Variants in VWA2 observed in about 807,000 individuals in gnomAD.
VWA2 encodes von Willebrand factor A domain-containing protein 2.
A neutral mutation model predicts 70.4 loss-of-function variants in VWA2; 73 were observed. The observed-to-expected ratio is 1.04, with a 90% CI of 0.86 to 1.26. VWA2 has a LOEUF of 1.26. Ranked by LOEUF, VWA2 falls within the 50% of genes most tolerant of loss-of-function variation. The pLI is 0.00. For synonymous variants in VWA2, 407 were observed against 423.3 expected, an observed-to-expected ratio of 0.96 and a Z score of 0.47; for missense variants, 1,011 against 998.5, an observed-to-expected ratio of 1.01 and a Z score of -0.17.
chr10:114,291,689 CG>C lies in VWA2; in HGVS notation c.*454del, dbSNP rs954504698. On this transcript the variant is annotated 3_prime_UTR_variant, in exon 14 of 14. Coordinates refer to ENST00000392982, the MANE Select transcript of VWA2 (RefSeq NM_001272046.2). ...GGCCTTTACTAGAGCATCCTTTGGA[CG>C]GCGAAGGCCACGGCCTTTCAAGATG... is the stretch of plus-strand genomic sequence containing the variant. Among the ~76,000 whole-genome samples the C allele has an allele frequency of 6.6e-6, 1 of 152,206 alleles. No homozygotes were observed. The highest frequency in any genetic ancestry group is 1.5e-5 in the Non-Finnish European group (1 of 68,036).
intron 6 of VWA2, among the ~76,000 whole-genome samples, 200 bp downstream of exon 6, chr10:114,273,134 T>C (rs1160427011): frequency 6.6e-6 from 1 of 152,220 alleles, no homozygotes; most frequent in Non-Finnish European, 1.5e-5. Flanking sequence ...GATTTTGGTT[T>C]TGTTTGAAAA....
chr10:114,275,715 G>A (rs2037827443), intron 6 of VWA2, among the ~76,000 whole-genome samples: 1 of 152,116 alleles, frequency 6.6e-6, no homozygotes, highest in Middle Eastern at 3.2e-3. Flanking sequence ...ATTACTTGAG[G>A]TCAGGAGTTT....
intron 5 of VWA2, among the ~76,000 whole-genome samples, chr10:114,268,928 C>G (rs1001820918): frequency 1.3e-5 from 2 of 151,954 alleles, no homozygotes; most frequent in African/African-American, 4.8e-5. Context: ...ATCTCTTGAC[C>G]TTGTGAAACG....
intron 6 of VWA2, among the ~76,000 whole-genome samples, chr10:114,277,521 C>T (rs1054043013): frequency 3.9e-5 from 6 of 152,148 alleles, no homozygotes; most frequent in African/African-American, 7.2e-5. Flanking sequence ...TTCTCAACAT[C>T]GCCTAACCCT....
intron 5 of VWA2, among the ~76,000 whole-genome samples, chr10:114,263,597 A>G (rs1302584663): frequency 2.6e-5 from 4 of 151,992 alleles, no homozygotes; most frequent in Non-Finnish European, 5.9e-5. Flanking sequence ...TTGGCTTCCC[A>G]GAGTGCTGGG....
rs368601987 is a variant in VWA2 at position 114,284,922 on chromosome 10, G to A, written c.949G>A (p.Gly317Ser). Residue 317 changes from glycine (G) to serine (S), a missense_variant, in exon 10 of 14, where the codon GGC (glycine) becomes AGC (serine). Transcript: ENST00000392982. ...GGTCVPEGLD[G>S]YQCLCPLAFG... ...CACATGTGTTCCAGAAGGACTGGAC[G>A]GCTACCAGTGCCTCTGCCCGCTGGC... The A allele has an allele frequency of 2.5e-5, 40 of 1,605,242 alleles. No homozygotes were observed. Among genetic ancestry groups the A allele is most frequent in the Middle Eastern group, 1.7e-4 (1 of 5,906 alleles).
chr10:114,287,400 C>T (rs1000456119), intron 11 of VWA2, among the ~76,000 whole-genome samples: 2 of 152,042 alleles, frequency 1.3e-5, no homozygotes, highest in South Asian at 2.1e-4. Flanking sequence ...AGGCTGGTCT[C>T]GAACTCCTGG....
At chr10:114,275,219 G>A (rs555689573) in intron 6 of VWA2, among the ~76,000 whole-genome samples, 1 of 152,308 alleles carries the variant, frequency 6.6e-6, no homozygotes, top group South Asian at 2.1e-4. Context: ...GGCCAGTAAG[G>A]TGGGGACATC....
chr10:114,242,607 C>T (rs973886925), intron 1 of VWA2, among the ~76,000 whole-genome samples: 8 of 152,064 alleles, frequency 5.3e-5, no homozygotes, highest in Admixed American at 2.0e-4. Flanking sequence ...CTGTGTACCA[C>T]GTGCCTCTGT....
intron 9 of VWA2, 55 bp from the exon 10 acceptor site, chr10:114,284,808 C>A: frequency 6.6e-7 from 1 of 1,519,858 alleles, no homozygotes; most frequent in Non-Finnish European, 8.9e-7. Context: ...CTGGCCAGTC[C>A]TCTCCACTCC....
intron 3 of VWA2, among the ~76,000 whole-genome samples, chr10:114,254,228 C>T (rs1277971708): frequency 4.0e-5 from 6 of 151,824 alleles, no homozygotes; most frequent in Non-Finnish European, 5.9e-5. Flanking sequence ...TGCATCACCA[C>T]GCCTAGCTAG....
rs1257114911 is a variant in VWA2, at chr10:114,269,372, G to A, written c.372-3368G>A. 2.0e-5 allele frequency among the ~76,000 whole-genome samples: 3 copies of A among 152,176 alleles called. No individual in the cohort carries two copies. The East Asian group carries it at 5.8e-4, about 29-fold the overall frequency. On this transcript the variant is annotated intron_variant, in intron 5 of 13. Coordinates refer to ENST00000392982, the MANE Select transcript of VWA2 (RefSeq NM_001272046.2). ...AGGGCGGGCAGATCACCTGAGGTCA[G>A]GAGTTTGAGACCAGCCTGGTCAACA... is the stretch of plus-strand genomic sequence containing the variant.
At chr10:114,287,353 T>G (rs571870436) in intron 11 of VWA2, among the ~76,000 whole-genome samples, 2 of 152,222 alleles carry the variant, frequency 1.3e-5, no homozygotes, top group African/African-American at 4.8e-5. Flanking sequence ...GCTAATTGTT[T>G]TATTTTTTAG....
intron 2 of VWA2, among the ~76,000 whole-genome samples, chr10:114,249,526 G>A (rs1443200791): frequency 6.6e-6 from 1 of 152,144 alleles, no homozygotes; most frequent in Non-Finnish European, 1.5e-5. Context: ...AAAGTGCTAG[G>A]ATTACAGGCA....
At chr10:114,285,503 G>A (rs1231649411) in intron 10 of VWA2, among the ~76,000 whole-genome samples, 1 of 152,228 alleles carries the variant, frequency 6.6e-6, no homozygotes, top group African/African-American at 2.4e-5. Flanking sequence ...GTTAGTTGAA[G>A]ATCTGTATGA....
rs747270742 is a variant in VWA2, at chr10:114,254,903, C to T, written c.128-12C>T. 5.3e-5 allele frequency: 86 copies of T among 1,611,690 alleles called. 1 individual carries two copies. The South Asian group carries it at 7.0e-4, about 13-fold the overall frequency. ...GCTCCTGGTTGTCATCTGTCTGTCC[C>T]GCTCTCCCTAGTGATGTGGTGCTCG... On this transcript the variant is annotated splice_polypyrimidine_tract_variant and intron_variant, in intron 3 of 13. Transcript: ENST00000392982.
intron 1 of VWA2, chr10:114,246,239 G>A (rs1165184427): frequency 5.8e-6 from 5 of 864,594 alleles, no homozygotes; most frequent in East Asian, 2.7e-5. Context: ...GGTGGCTCAC[G>A]CCTGTAATCC....
chr10:114,249,963 C>T (rs1429210988), intron 2 of VWA2, among the ~76,000 whole-genome samples: 4 of 152,120 alleles, frequency 2.6e-5, no homozygotes, highest in Non-Finnish European at 4.4e-5. Flanking sequence ...CCTTGCTCCC[C>T]GCCACCAAAA....
chr10:114,277,586 GCGCTGCCCTATGGCTAT>G (rs1430209936), intron 6 of VWA2, among the ~76,000 whole-genome samples: 1 of 152,186 alleles, frequency 6.6e-6, no homozygotes, highest in African/African-American at 2.4e-5. Context: ...GGCACAAACA[GCGCTGCCCTATGGCTAT>G]CGAGGTGTGC....
Sources: allele counts gnomAD v4.1 joint callset (sites outside exome capture counted in the v4.1 genomes callset), GRCh38; gene constraint gnomAD v4.1.1; transcripts MANE v1.5; gene names NCBI Gene and HGNC (gene_info 2026-07-23, HGNC 2026-07-21).